Variants in PDGFC observed in about 807,000 individuals in gnomAD.
The protein encoded by PDGFC is platelet-derived growth factor C.
In PDGFC, 12 loss-of-function variants were observed where a neutral mutation model predicts 35.5. That is an observed-to-expected ratio of 0.34 (90% CI 0.22 to 0.55). The LOEUF is 0.55. PDGFC is among the 20% of genes least tolerant of loss of function. The pLI is 0.91. For missense variants in PDGFC, 322 were observed against 412.4 expected (o/e 0.78, Z 1.90); for synonymous variants, 159 against 148.8 (o/e 1.07, Z -0.50).
At chr4:156,853,994 G>C (rs982826574) in intron 1 of PDGFC, among the ~76,000 whole-genome samples, 2 of 152,002 alleles carry the variant, frequency 1.3e-5, no homozygotes, top group African/African-American at 2.4e-5. Flanking sequence ...TAAAAAGAAA[G>C]TAATAATCAT....
At chr4:156,850,723 A>G (rs1479024710) in intron 1 of PDGFC, among the ~76,000 whole-genome samples, 2 of 152,188 alleles carry the variant, frequency 1.3e-5, no homozygotes. Flanking sequence ...CTGAGTTAAC[A>G]TTCAAATTTC....
intron 3 of PDGFC, among the ~76,000 whole-genome samples, chr4:156,777,026 T>C (rs1040246963): frequency 1.3e-5 from 2 of 152,180 alleles, no homozygotes; most frequent in Non-Finnish European, 2.9e-5. Context: ...AAGTCTATAA[T>C]GGGACTGAAC....
intron 1 of PDGFC, among the ~76,000 whole-genome samples, chr4:156,894,957 T>C (rs111780420): frequency 0.02 from 3,111 of 152,258 alleles, 95 homozygotes; most frequent in African/African-American, 0.07. Flanking sequence ...TGCATGCAAA[T>C]GAGTATATAA....
intron 3 of PDGFC, chr4:156,773,676 C>T (rs527891725): frequency 6.6e-5 from 10 of 152,096 alleles, no homozygotes; most frequent in Admixed American, 1.3e-4. Flanking sequence ...ATTTCACATA[C>T]GAAAAAAGGA....
chr4:156,818,350 G>T (rs993400564), intron 2 of PDGFC, among the ~76,000 whole-genome samples: 1 of 151,734 alleles, frequency 6.6e-6, no homozygotes, highest in African/African-American at 2.4e-5. Flanking sequence ...GTGTTCCTGG[G>T]TCACATTTTG....
rs147207094 is a variant in PDGFC, at chr4:156,966,571, C to A, written c.118+4215G>T. 2.1e-3 allele frequency among the ~76,000 whole-genome samples: 320 copies of A among 151,408 alleles called. 2 individuals carry two copies. The highest frequency in any genetic ancestry group is 6.8e-3 in the African/African-American group (281 of 41,256). The stretch of plus-strand genomic sequence containing the variant: ...AAAAGTTTATAGATAAAACTTAGAA[C>A]CTTATCAGTCTAAAGCTTGAAAAAA... On this transcript the variant is annotated intron_variant, in intron 1 of 5. Transcript: ENST00000502773.
At chr4:156,802,972 A>C (rs1340610999) in intron 3 of PDGFC, among the ~76,000 whole-genome samples, 1 of 152,154 alleles carries the variant, frequency 6.6e-6, no homozygotes, top group Admixed American at 6.6e-5. Context: ...TTCGCAAACA[A>C]GGAAGTAAAT....
At chr4:156,791,240 G>A (rs779466285) in intron 3 of PDGFC, among the ~76,000 whole-genome samples, 2 of 152,088 alleles carry the variant, frequency 1.3e-5, no homozygotes, top group Non-Finnish European at 2.9e-5. Context: ...TGCTTACTAT[G>A]TCCTAGGTAC....
intron 1 of PDGFC, among the ~76,000 whole-genome samples, chr4:156,855,615 A>C (rs755836262): frequency 1.3e-5 from 2 of 152,200 alleles, no homozygotes; most frequent in African/African-American, 2.4e-5. Context: ...CATTTCTCTT[A>C]GAGTGAGATG....
intron 3 of PDGFC, chr4:156,774,368 T>G (rs1730765690): frequency 6.6e-6 from 1 of 152,270 alleles, no homozygotes; most frequent in Non-Finnish European, 1.5e-5. Flanking sequence ...TCATAAATCT[T>G]TACCATTACA....
chr4:156,782,303 A>T (rs1731002632), intron 3 of PDGFC, among the ~76,000 whole-genome samples: 1 of 152,282 alleles, frequency 6.6e-6, no homozygotes, highest in East Asian at 1.9e-4. Context: ...CTTTGCCTAT[A>T]AAATCTTTAT....
At chr4:156,800,466 TAGAG>T (rs941699965) in intron 3 of PDGFC, among the ~76,000 whole-genome samples, 9 of 152,300 alleles carry the variant, frequency 5.9e-5, no homozygotes, top group Admixed American at 2.6e-4. Context: ...TCATCTGAAT[TAGAG>T]AGATATGTAA....
At chr4:156,952,654 C>G (rs888740873) in intron 1 of PDGFC, among the ~76,000 whole-genome samples, 1 of 151,796 alleles carries the variant, frequency 6.6e-6, no homozygotes. Flanking sequence ...AAATGAGATT[C>G]CTAGCACTAA....
chr4:156,837,443 C>T (rs571286419), intron 2 of PDGFC, among the ~76,000 whole-genome samples: 1 of 151,858 alleles, frequency 6.6e-6, no homozygotes, highest in African/African-American at 2.4e-5. Context: ...CTGGTAAATG[C>T]TACAATAGAT....
At chr4:156,879,355 A>G (rs2111165815) in intron 1 of PDGFC, among the ~76,000 whole-genome samples, 1 of 152,366 alleles carries the variant, frequency 6.6e-6, no homozygotes, top group African/African-American at 2.4e-5. Context: ...ATCCAATCCC[A>G]GACTGCAAAG....
At chr4:156,844,190 T>C (rs1013686417) in intron 2 of PDGFC, among the ~76,000 whole-genome samples, 2 of 152,208 alleles carry the variant, frequency 1.3e-5, no homozygotes, top group African/African-American at 4.8e-5. Flanking sequence ...CATAGTGTCA[T>C]GGTGTCTTAG....
chr4:156,937,084 T>A (rs1277928246), intron 1 of PDGFC, among the ~76,000 whole-genome samples: 1 of 151,896 alleles, frequency 6.6e-6, no homozygotes, highest in African/African-American at 2.4e-5. Flanking sequence ...GACAGATGAG[T>A]CTGAGTGAAA....
chr4:156,770,938 G>C (rs1730678180), intron 4 of PDGFC, among the ~76,000 whole-genome samples: 1 of 152,066 alleles, frequency 6.6e-6, no homozygotes, highest in Admixed American at 6.6e-5. Context: ...GCTTTTAAAA[G>C]TTTGACTCCT....
At chr4:156,825,402 A>T (rs976279805) in intron 2 of PDGFC, among the ~76,000 whole-genome samples, 1 of 142,810 alleles carries the variant, frequency 7.0e-6, no homozygotes, top group Non-Finnish European at 1.5e-5. Context: ...AAAAAAAAAA[A>T]TTCCCAGGCT....
Sources: allele counts gnomAD v4.1 joint callset (sites outside exome capture counted in the v4.1 genomes callset), GRCh38; gene constraint gnomAD v4.1.1; transcripts MANE v1.5; gene names NCBI Gene and HGNC (gene_info 2026-07-23, HGNC 2026-07-21).